Variants in MAP1A observed in about 807,000 individuals in gnomAD.
MAP1A encodes the protein microtubule-associated protein 1A.
In MAP1A, 42 loss-of-function variants were observed where a neutral mutation model predicts 185.9. The ratio of observed to expected loss-of-function variants is 0.23; its 90% CI spans 0.18 to 0.29. MAP1A has a LOEUF of 0.29. MAP1A is among the 10% of genes least tolerant of loss of function. The pLI is 1.00. For synonymous variants in MAP1A, 1,229 were observed against 1,335.9 expected (o/e 0.92, Z 1.74); for missense variants, 2,995 against 3,450.4 (o/e 0.87, Z 3.31).
chr15:43,526,170 A>G lies in MAP1A; in HGVS notation c.4697A>G (p.Glu1566Gly). ...TTGGGACAGAAGGATGAAGCCCTGG[A>G]ACAAAACATTCAGGCTCTGGAAGAG... ...WALGQKDEAL[E>G]QNIQALEENH... Residue 1566 changes from glutamate to glycine, a missense_variant, in exon 4 of 6, where the codon GAA (glutamate) becomes GGA (glycine). Around this residue, in one of 3 missense-constraint regions of MAP1A, gnomAD observed 2,728 missense variants for 2,986.0 expected, o/e 0.91. Coordinates refer to ENST00000300231, the MANE Select transcript of MAP1A (RefSeq NM_002373.6). This position sits in a 1 kb window ranked among gnomAD's most constrained non-coding sequence, Gnocchi z 4.7. 1.2e-6 allele frequency: 2 copies of G among 1,613,850 alleles called. No individual in the cohort carries two copies. The highest frequency in any genetic ancestry group is 1.7e-6 in the Non-Finnish European group (2 of 1,179,992).
rs2079328006 is a variant in MAP1A, at chr15:43,523,349, A to G, written c.1876A>G (p.Lys626Glu). The G allele has an allele frequency of 1.2e-6, 2 of 1,610,604 alleles. No homozygotes were observed. The highest frequency in any genetic ancestry group is 1.3e-5 in the African/African-American group (1 of 74,966). ...TEEEKDTWEE[K>E]KQREAERLPD... is the part of the protein sequence containing the mutation. ...GGAAGAGAAAGATACCTGGGAGGAAAAGAAGCAGAGGGAAGCAGAGAGGCT... is the reference window on the plus strand; with the variant it reads ...GGAAGAGAAAGATACCTGGGAGGAAGAGAAGCAGAGGGAAGCAGAGAGGCT... The change falls in exon 4 of 6, where the codon AAG (lysine) becomes GAG (glutamate). Residue 626 changes from lysine (K) to glutamate (E), a missense_variant. Around this residue, in one of 3 missense-constraint regions of MAP1A, gnomAD observed 2,728 missense variants for 2,986.0 expected, o/e 0.91. Coordinates refer to ENST00000300231, the MANE Select transcript of MAP1A (RefSeq NM_002373.6).
At position 43,525,627 on chromosome 15, in the gene MAP1A, C is replaced by T. The variant is rs1190233308; in HGVS notation, c.4154C>T (p.Thr1385Ile). Residue 1385 changes from threonine to isoleucine, a missense_variant, in exon 4 of 6, where the codon ACA (threonine) becomes ATA (isoleucine). By Grantham distance (89) the Thr-to-Ile change is moderately conservative. This residue lies in a region of MAP1A where 2,728 missense variants were observed against 2,986.0 expected (regional missense o/e 0.91). Transcript: ENST00000300231. Reference protein sequence around the residue: ...EHKEVVEPKDTAIYQKDEALH... With the variant: ...EHKEVVEPKDIAIYQKDEALH... The stretch of plus-strand genomic sequence containing the variant: ...AAGGAGGTGGTAGAGCCGAAGGATA[C>T]AGCCATCTATCAGAAAGATGAGGCT... The T allele has an allele frequency of 1.2e-6, 2 of 1,614,208 alleles. No homozygotes were observed. The highest frequency in any genetic ancestry group is 2.2e-5 in the East Asian group (1 of 44,894).
At position 43,528,907 on chromosome 15, in the gene MAP1A, G is replaced by A. The variant is rs763201021; in HGVS notation, c.7434G>A (p.Gly2478=). The stretch of plus-strand genomic sequence containing the variant: ...AAGTTCGGCTAGTAGGAAGAGGGGG[G>A]CGGCGCCGGGTAGGGGGGCCAGGGA... ...TEEVRLVGRG[G]RRRVGGPGTT... is the part of the protein sequence containing the mutation. Residue 2478 remains glycine, a synonymous_variant, in exon 4 of 6, where the codon GGG becomes GGA. Coordinates refer to ENST00000300231, the MANE Select transcript of MAP1A (RefSeq NM_002373.6). The A allele has an allele frequency of 1.2e-6, 2 of 1,612,948 alleles. No individual in the cohort carries two copies. The highest frequency in any genetic ancestry group is 8.5e-7 in the Non-Finnish European group (1 of 1,179,956).
rs976289826 is a variant in MAP1A, at chr15:43,527,181, C to A, written c.5708C>A (p.Ser1903Tyr). The change falls in exon 4 of 6, where the codon TCC (serine) becomes TAC (tyrosine). Residue 1903 changes from serine to tyrosine, a missense_variant. Ser to Tyr is a moderately radical substitution (Grantham distance 144). Around this residue, in one of 3 missense-constraint regions of MAP1A, gnomAD observed 2,728 missense variants for 2,986.0 expected, o/e 0.91. Transcript: ENST00000300231. Reference protein sequence around the residue: ...GAAELEGGPYSPLGKDYRKAE... With the variant: ...GAAELEGGPYYPLGKDYRKAE... ...GCTGAGTTGGAAGGTGGGCCATACTCCCCCCTGGGGAAGGACTACCGCAAG... is the reference window on the plus strand; with the variant it reads ...GCTGAGTTGGAAGGTGGGCCATACTACCCCCTGGGGAAGGACTACCGCAAG... The A allele has an allele frequency of 2.5e-6, 4 of 1,613,572 alleles. No homozygotes were observed. The highest frequency in any genetic ancestry group is 1.1e-5 in the South Asian group (1 of 91,016).
upstream of MAP1A, among the ~76,000 whole-genome samples, chr15:43,515,713 G>A (rs562442486): frequency 6.6e-6 from 1 of 152,342 alleles, no homozygotes; most frequent in Non-Finnish European, 1.5e-5. Flanking sequence ...AGTAGGCTCT[G>A]AGAGAGGTTA....
At position 43,522,477 on chromosome 15, in the gene MAP1A, C is replaced by G; in HGVS notation, c.1004C>G (p.Ala335Gly). ...ATTKTAVSKLAKREEVVEEGA... is the reference protein window; with the variant it reads ...ATTKTAVSKLGKREEVVEEGA... ...ACCAAGACGGCCGTGAGCAAGTTGG[C>G]CAAACGGGAGGAGGTGGTAGAAGAG... Residue 335 changes from alanine to glycine, a missense_variant, in exon 4 of 6, where the codon GCC (alanine) becomes GGC (glycine). Physicochemically the swap from Ala to Gly is moderately conservative, Grantham distance 60. Transcript: ENST00000300231. This position sits in a 1 kb window ranked among gnomAD's most constrained non-coding sequence, Gnocchi z 5.9. The G allele has an allele frequency of 6.2e-7, 1 of 1,613,930 alleles. No homozygotes were observed. The highest frequency in any genetic ancestry group is 8.5e-7 in the Non-Finnish European group (1 of 1,179,974).
chr15:43,520,366 T>G (rs1030078888), intron 1 of MAP1A, among the ~76,000 whole-genome samples: 5 of 152,008 alleles, frequency 3.3e-5, no homozygotes, highest in African/African-American at 9.7e-5. Context: ...GAGGCCATAG[T>G]TCCAGGCAGA....
Position 43,526,678 on chromosome 15 carries a change from T to G in MAP1A, c.5205T>G (p.Asp1735Glu), listed in dbSNP as rs772221973. The G allele has an allele frequency of 5.6e-6, 9 of 1,613,902 alleles. No homozygotes were observed. The highest frequency in any genetic ancestry group is 5.9e-6 in the Non-Finnish European group (7 of 1,180,028). Residue 1735 changes from aspartate (D) to glutamate (E), a missense_variant, in exon 4 of 6, where the codon GAT becomes GAG. Asp to Glu is a conservative substitution (Grantham distance 45). Coordinates refer to ENST00000300231, the MANE Select transcript of MAP1A (RefSeq NM_002373.6). This position sits in a 1 kb window ranked among gnomAD's most constrained non-coding sequence, Gnocchi z 4.7. ...RESTFLDEGPDDEQEVPLREH... is the reference protein window; with the variant it reads ...RESTFLDEGPEDEQEVPLREH... Reference sequence around the variant, plus strand: ...GCACTTTCCTAGATGAGGGCCCAGATGATGAGCAAGAAGTACCCCTGCGGG... The same window carrying G: ...GCACTTTCCTAGATGAGGGCCCAGAGGATGAGCAAGAAGTACCCCTGCGGG...
rs950702731 is a variant in MAP1A, at chr15:43,525,080, A to G, written c.3607A>G (p.Ser1203Gly). ...CCAGTCACTTTCTCTGTCAGAAGAGAGTCCCAGCAAGGAGACCTCCCTGGA... is the reference window on the plus strand; with the variant it reads ...CCAGTCACTTTCTCTGTCAGAAGAGGGTCCCAGCAAGGAGACCTCCCTGGA... Reference protein sequence around the residue: ...DTQSLSLSEESPSKETSLDVS... With the variant: ...DTQSLSLSEEGPSKETSLDVS... Residue 1203 changes from serine (S) to glycine (G), a missense_variant, in exon 4 of 6, where the codon AGT becomes GGT. Transcript: ENST00000300231. 5.6e-6 allele frequency: 9 copies of G among 1,614,088 alleles called. No individual in the cohort carries two copies. The African/African-American group carries it at 1.1e-4, about 19-fold the overall frequency.
At position 43,529,509 on chromosome 15, in the gene MAP1A, G is replaced by A; in HGVS notation, c.8035+1G>A. The A allele has an allele frequency of 6.2e-7, 1 of 1,602,954 alleles. No individual in the cohort carries two copies. On this transcript the variant is annotated splice_donor_variant, in intron 4 of 5. Coordinates refer to ENST00000300231, the MANE Select transcript of MAP1A (RefSeq NM_002373.6). LOFTEE classifies it high-confidence loss of function. The surrounding 1 kb of genome is among the most constrained non-coding windows in gnomAD (Gnocchi z 4.3). ...GTCAATGGACTCAAGGCAGGACCAA[G>A]TAAGTATATCATGAAACTTGGCAGA...
In MAP1A at chr15:43,524,913, C is replaced by T. The variant is rs1416669880; in HGVS notation, c.3440C>T (p.Pro1147Leu). The T allele has an allele frequency of 2.5e-6, 4 of 1,614,172 alleles. No individual in the cohort carries two copies. The highest frequency in any genetic ancestry group is 3.4e-6 in the Non-Finnish European group (4 of 1,180,042). Residue 1147 changes from proline to leucine, a missense_variant, in exon 4 of 6, where the codon CCT (proline) becomes CTT (leucine). By Grantham distance (98) the Pro-to-Leu change is moderately conservative. Transcript: ENST00000300231. ...AGATATCCTGACCGAAGCCTCTCTCCTGAAGATGCAGAATCCCTCTCTGTC... is the reference window on the plus strand; with the variant it reads ...AGATATCCTGACCGAAGCCTCTCTCTTGAAGATGCAGAATCCCTCTCTGTC... The part of the protein sequence containing the change: ...VLRYPDRSLS[P>L]EDAESLSVLS...
At chr15:43,518,565 G>A (rs1311156814) in intron 1 of MAP1A, among the ~76,000 whole-genome samples, 1 of 152,012 alleles carries the variant, frequency 6.6e-6, no homozygotes, top group Non-Finnish European at 1.5e-5. Context: ...GGGGTGGGGG[G>A]TGGGGGCGGA....
At position 43,527,064 on chromosome 15, in the gene MAP1A, C is replaced by T. The variant is rs1230898068; in HGVS notation, c.5591C>T (p.Pro1864Leu). 2 of 1,582,692 alleles carry T rather than the reference C, an allele frequency of 1.3e-6. No homozygotes were observed. The highest frequency in any genetic ancestry group is 1.7e-6 in the Non-Finnish European group (2 of 1,164,144). Residue 1864 changes from proline (P) to leucine (L), a missense_variant, in exon 4 of 6, where the codon CCC (proline) becomes CTC (leucine). This residue lies in a region of MAP1A where 2,728 missense variants were observed against 2,986.0 expected (regional missense o/e 0.91). Coordinates refer to ENST00000300231, the MANE Select transcript of MAP1A (RefSeq NM_002373.6). ...CCCCTCTCCCCAGCTCCTGGTCCCC[C>T]CACACCTGCCCCGGAATCCCATACT... ...PAPLSPAPGP[P>L]TPAPESHTPA...
At position 43,521,223 on chromosome 15, in the gene MAP1A, A is replaced by G. The variant is rs1033893744; in HGVS notation, c.-150-101A>G. 5.4e-6 allele frequency: 8 copies of G among 1,475,298 alleles called. No individual in the cohort carries two copies. The African/African-American group carries it at 1.1e-4, about 21-fold the overall frequency. 91.4% of individuals were successfully genotyped at this position (1,475,298 alleles called of 1,614,324 possible). The stretch of plus-strand genomic sequence containing the variant: ...CATGGGGGGCCCTGGCAGAAAGGTA[A>G]GAGTCCACCTTGGAAAGAGGTGAAG... On this transcript the variant is annotated intron_variant, in intron 3 of 5. Coordinates refer to ENST00000300231, the MANE Select transcript of MAP1A (RefSeq NM_002373.6). This position sits in a 1 kb window ranked among gnomAD's most constrained non-coding sequence, Gnocchi z 4.6.
chr15:43,527,298 C>A lies in MAP1A; in HGVS notation c.5825C>A (p.Ala1942Asp). 6.2e-7 allele frequency: 1 copy of A among 1,614,202 alleles called. No individual in the cohort carries two copies. Among genetic ancestry groups the A allele is most frequent in the Non-Finnish European group, 8.5e-7 (1 of 1,180,022 alleles). Residue 1942 changes from alanine (A) to aspartate (D), a missense_variant, in exon 4 of 6, where the codon GCC becomes GAC. Physicochemically the swap from Ala to Asp is moderately radical, Grantham distance 126. Transcript: ENST00000300231. Reference sequence around the variant, plus strand: ...GTACCAGAGGCCAGCAAAAGCCATGCCACCACGGAGCCTGAGCAGACTGAG... The same window carrying A: ...GTACCAGAGGCCAGCAAAAGCCATGACACCACGGAGCCTGAGCAGACTGAG... ...SKVPEASKSH[A>D]TTEPEQTEPE...
Position 43,530,292 on chromosome 15 carries a change from C to A in MAP1A, c.*68C>A. 1.3e-6 allele frequency: 2 copies of A among 1,582,280 alleles called. No individual in the cohort carries two copies. The highest frequency in any genetic ancestry group is 1.2e-5 in the South Asian group (1 of 85,846). ...CTTTAGAGAATGGCTACTGCTGAGT[C>A]CTTTGGGGTTGAGGGAGATGGGAGC... On this transcript the variant is annotated 3_prime_UTR_variant, in exon 6 of 6. Transcript: ENST00000300231.
rs1321729331 is a variant in MAP1A, at chr15:43,529,908, A to G, written c.8256+38A>G. 5 of 1,597,056 alleles carry G rather than the reference A, an allele frequency of 3.1e-6. No individual in the cohort carries two copies. The highest frequency in any genetic ancestry group is 4.3e-6 in the Non-Finnish European group (5 of 1,168,656). ...GGACACCAAGGAAGTAGTCTGGTCA[A>G]CGCTCACTCAGAGGCAGTAGTGGAA... On this transcript the variant is annotated intron_variant, in intron 5 of 5. Transcript: ENST00000300231. The surrounding 1 kb of genome is among the most constrained non-coding windows in gnomAD (Gnocchi z 4.3).
upstream of MAP1A, among the ~76,000 whole-genome samples, chr15:43,515,951 C>T (rs1447872480): frequency 6.6e-6 from 1 of 152,156 alleles, no homozygotes; most frequent in Non-Finnish European, 1.5e-5. Flanking sequence ...GCACCATGCC[C>T]AGGGTGTGGC....
At position 43,521,453 on chromosome 15, in the gene MAP1A, C is replaced by G. The variant is rs772626887; in HGVS notation, c.-21C>G. 2 of 1,614,162 alleles carry G rather than the reference C, an allele frequency of 1.2e-6. No individual in the cohort carries two copies. The highest frequency in any genetic ancestry group is 1.7e-6 in the Non-Finnish European group (2 of 1,180,032). On this transcript the variant is annotated 5_prime_UTR_variant, in exon 4 of 6. Transcript: ENST00000300231. This position sits in a 1 kb window ranked among gnomAD's most constrained non-coding sequence, Gnocchi z 4.6. ...AGAGACCCTGCACCTCCGGCTAAAC[C>G]CTGAGCCCACTCTGCCCACCATGGA...
Sources: gnomAD v4.1 joint callset for allele counts (sites outside exome capture counted in the v4.1 genomes callset) on GRCh38, gnomAD v4.1.1 for gene constraint, gnomAD v4.1.1 regional missense constraint, Gnocchi (gnomAD v3.1) non-coding constraint, MANE v1.5 for transcripts, NCBI Gene and HGNC (gene_info 2026-07-23, HGNC 2026-07-21) for gene names.